The following SLC35D4 variants were observed in gnomAD, a reference collection of about 807,000 sequenced individuals.
SLC35D4 encodes UDP-N-acetylglucosamine transporter SLC35D4.
the SLC35D4 span, among the ~76,000 whole-genome samples, chr18:23,431,223 A>C: frequency 6.6e-6 from 1 of 151,076 alleles, no homozygotes; most frequent in Non-Finnish European, 1.5e-5. Context: ...ACTTTTTCCC[A>C]GGGCTACCAG....
the SLC35D4 span, among the ~76,000 whole-genome samples, chr18:23,344,842 C>T: frequency 2.6e-5 from 4 of 152,234 alleles, no homozygotes; most frequent in African/African-American, 7.2e-5. Context: ...CCTCATGATC[C>T]GCCCGCCTTG....
the SLC35D4 span, among the ~76,000 whole-genome samples, chr18:23,250,892 A>G: frequency 6.6e-6 from 1 of 152,238 alleles, no homozygotes; most frequent in South Asian, 2.1e-4. Flanking sequence ...TCACCAGAGA[A>G]GCAAAGAGAG....
the SLC35D4 span, among the ~76,000 whole-genome samples, chr18:23,255,405 G>T: frequency 6.6e-6 from 1 of 152,158 alleles, no homozygotes; most frequent in African/African-American, 2.4e-5. Context: ...CAATTGAAAA[G>T]AGTATTTTTT....
At chr18:23,411,104 G>A in the SLC35D4 span, among the ~76,000 whole-genome samples, 2 of 151,246 alleles carry the variant, frequency 1.3e-5, no homozygotes, top group African/African-American at 4.9e-5. Context: ...TGGTGTGCGG[G>A]CCTCTAGGGA....
At chr18:23,269,266 T>C in the SLC35D4 span, among the ~76,000 whole-genome samples, 1 of 152,220 alleles carries the variant, frequency 6.6e-6, no homozygotes, top group Non-Finnish European at 1.5e-5. Flanking sequence ...CATCCTGTTT[T>C]GGTGATAGAG....
the SLC35D4 span, among the ~76,000 whole-genome samples, chr18:23,421,707 C>T: frequency 1.6e-4 from 19 of 121,476 alleles, no homozygotes; most frequent in South Asian, 2.6e-4. Context: ...GACGGAGTTT[C>T]GCTCCGTCGC....
the SLC35D4 span, among the ~76,000 whole-genome samples, chr18:23,372,871 G>C: frequency 6.6e-6 from 1 of 152,020 alleles, no homozygotes; most frequent in African/African-American, 2.4e-5. Flanking sequence ...CCTGACACGT[G>C]GTGGGGACCT....
chr18:23,418,288 T>A, the SLC35D4 span, among the ~76,000 whole-genome samples: 4 of 151,522 alleles, frequency 2.6e-5, no homozygotes, highest in Non-Finnish European at 5.9e-5. Context: ...GATCTCTCCT[T>A]CATAAAACTT....
chr18:23,306,669 T>C, the SLC35D4 span, among the ~76,000 whole-genome samples: 1 of 152,236 alleles, frequency 6.6e-6, no homozygotes, highest in African/African-American at 2.4e-5. Context: ...ATGCTTTTTC[T>C]TTCCTGATAA....
chr18:23,408,737 A>G, the SLC35D4 span, among the ~76,000 whole-genome samples: 73 of 151,504 alleles, frequency 4.8e-4, no homozygotes, highest in African/African-American at 1.7e-3. Context: ...AAACACACAT[A>G]TTTTCCTTCA....
the SLC35D4 span, among the ~76,000 whole-genome samples, chr18:23,394,837 G>T: frequency 6.6e-6 from 1 of 151,828 alleles, no homozygotes; most frequent in Non-Finnish European, 1.5e-5. Flanking sequence ...TACAAAAGTA[G>T]CCAGGCGTGG....
the SLC35D4 span, among the ~76,000 whole-genome samples, chr18:23,327,349 A>C: frequency 6.8e-6 from 1 of 147,386 alleles, no homozygotes; most frequent in Non-Finnish European, 1.5e-5. Flanking sequence ...TAGATGCAAT[A>C]AAAAATGATA....
the SLC35D4 span, among the ~76,000 whole-genome samples, chr18:23,359,383 CAA>C: frequency 2.3e-4 from 21 of 92,734 alleles, no homozygotes; most frequent in Admixed American, 1.1e-4. Flanking sequence ...GACTCCATCT[CAA>C]AAAAAAAAAA....
chr18:23,255,496 A>G, the SLC35D4 span, among the ~76,000 whole-genome samples: 58 of 152,074 alleles, frequency 3.8e-4, no homozygotes, highest in African/African-American at 1.4e-3. Context: ...AGAAGTGACC[A>G]TTGGACACCA....
the SLC35D4 span, among the ~76,000 whole-genome samples, chr18:23,245,308 G>C: frequency 6.6e-6 from 1 of 152,134 alleles, no homozygotes; most frequent in Non-Finnish European, 1.5e-5. Flanking sequence ...AGGAGTTGGA[G>C]ACCAGCCTAG....
At chr18:23,240,695 C>T in the SLC35D4 span, among the ~76,000 whole-genome samples, 1 of 152,228 alleles carries the variant, frequency 6.6e-6, no homozygotes, top group African/African-American at 2.4e-5. Flanking sequence ...GCCCCAGAGT[C>T]CTGCTGCCTG....
the SLC35D4 span, among the ~76,000 whole-genome samples, chr18:23,338,381 TGA>T: frequency 9.9e-5 from 15 of 152,210 alleles, no homozygotes; most frequent in African/African-American, 3.6e-4. Flanking sequence ...GTTAATTTCA[TGA>T]GAGAATTAAA....
At chr18:23,376,495 T>TA in the SLC35D4 span, among the ~76,000 whole-genome samples, 1 of 152,328 alleles carries the variant, frequency 6.6e-6, no homozygotes, top group Non-Finnish European at 1.5e-5. Context: ...CCTTGCTGAC[T>TA]TTCAAGGCAC....
At chr18:23,411,551 A>T in the SLC35D4 span, among the ~76,000 whole-genome samples, 2 of 149,914 alleles carry the variant, frequency 1.3e-5, no homozygotes, top group African/African-American at 2.5e-5. Context: ...GAAAGAAAGA[A>T]AGGTGTGTGC....
Sources: allele counts gnomAD v4.1 joint callset (sites outside exome capture counted in the v4.1 genomes callset), GRCh38; gene constraint gnomAD v4.1.1; transcripts MANE v1.5; gene names NCBI Gene and HGNC (gene_info 2026-07-23, HGNC 2026-07-21).